Variants in LZTS3 observed in about 807,000 individuals in gnomAD.
LZTS3 encodes leucine zipper tumor suppressor family member 3.
A neutral mutation model predicts 50.9 loss-of-function variants in LZTS3; 16 were observed. The ratio of observed to expected loss-of-function variants is 0.31; its 90% CI spans 0.21 to 0.48. The LOEUF (loss-of-function observed/expected upper bound fraction) is 0.48. Among genes scored for constraint, LZTS3 ranks in the 20% least tolerant of loss-of-function variants. The pLI, the probability that LZTS3 is intolerant of heterozygous loss-of-function variation, is 0.99. For synonymous variants in LZTS3, 408 were observed against 410.6 expected (o/e 0.99, Z 0.08); for missense variants, 816 against 931.0 (o/e 0.88, Z 1.61).
rs201973300 is a variant in LZTS3, at chr20:3,165,392, T to TCCCCC, written c.1323+100_1323+104dup. 20 of 832,486 alleles carry TCCCCC rather than the reference T, an allele frequency of 2.4e-5. No individual in the cohort carries two copies. The African/African-American group carries it at 3.3e-4, about 14-fold the overall frequency. The allele number at this position is 832,486 out of a possible 1,614,324, so 51.6% of individuals were successfully genotyped here. On this transcript the variant is annotated intron_variant, in intron 4 of 4. Coordinates refer to ENST00000337576, the MANE Select transcript of LZTS3 (RefSeq NM_001365618.1). The surrounding 1 kb of genome is among the most constrained non-coding windows in gnomAD (Gnocchi z 5.0). ...ATTTTTGTCCCCCCTGCTCCTTTCA[T>TCCCCC]CCCCCCCCCCATCCCACCGTTATGA...
Position 3,167,770 on chromosome 20 carries a change from T to C in LZTS3, c.-51A>G. ...TTGCAGTCAGGGCAGAAGTGGAAGCTCACTACCAGCGCAGGCTTCTCTCCT... is the reference window on the plus strand; with the variant it reads ...TTGCAGTCAGGGCAGAAGTGGAAGCCCACTACCAGCGCAGGCTTCTCTCCT... On this transcript the variant is annotated 5_prime_UTR_variant, in exon 2 of 5. Transcript: ENST00000337576. 1 of 985,440 alleles carries C rather than the reference T, an allele frequency of 1.0e-6. No homozygotes were observed. The highest frequency in any genetic ancestry group is 1.2e-6 in the Non-Finnish European group (1 of 830,002). The allele number at this position is 985,440 out of a possible 1,614,324, so 61.0% of individuals were successfully genotyped here. A position where few individuals can be genotyped will look rare whatever the true frequency, so the allele number is the denominator to read the frequency against.
At position 3,167,728 on chromosome 20, in the gene LZTS3, G is replaced by GC. The variant is rs2066850793; in HGVS notation, c.-19+9dup. 1.0e-6 allele frequency: 1 copy of GC among 985,660 alleles called. No homozygotes were observed. The highest frequency in any genetic ancestry group is 6.1e-5 in the Admixed American group (1 of 16,282). The allele number at this position is 985,660 out of a possible 1,614,324, so 61.1% of individuals were successfully genotyped here. The stretch of plus-strand genomic sequence containing the variant: ...AAATTGAGGGTGGGGGTCCTTCCCA[G>GC]CCCCCTAACCTAAGTGTTGCAGTCA... On this transcript the variant is annotated intron_variant, in intron 2 of 4. Coordinates refer to ENST00000337576, the MANE Select transcript of LZTS3 (RefSeq NM_001365618.1).
At position 3,164,995 on chromosome 20, in the gene LZTS3, A is replaced by T; in HGVS notation, c.1481T>A (p.Leu494Gln). Reference sequence around the variant, plus strand: ...CTGCTTGCTGCTGAAGGAGTCCCGCAGGCTGAGCAGCTGCTCCTCCTTCTC... The same window carrying T: ...CTGCTTGCTGCTGAAGGAGTCCCGCTGGCTGAGCAGCTGCTCCTCCTTCTC... Reference protein sequence around the residue: ...LREKEEQLLSLRDSFSSKQAS... With the variant: ...LREKEEQLLSQRDSFSSKQAS... The change falls in exon 5 of 5, where the codon CTG becomes CAG. Residue 494 changes from leucine to glutamine, a missense_variant. Physicochemically the swap from Leu to Gln is moderately radical, Grantham distance 113. Coordinates refer to ENST00000337576, the MANE Select transcript of LZTS3 (RefSeq NM_001365618.1). 1.3e-6 allele frequency: 2 copies of T among 1,557,958 alleles called. No homozygotes were observed. The highest frequency in any genetic ancestry group is 1.7e-6 in the Non-Finnish European group (2 of 1,154,856).
chr20:3,172,027 C>G (rs1160529686), intron 1 of LZTS3, among the ~76,000 whole-genome samples: 1 of 152,154 alleles, frequency 6.6e-6, no homozygotes, highest in East Asian at 1.9e-4. Flanking sequence ...GAGGCCCCAA[C>G]CCCAGCCCAT....
Position 3,165,820 on chromosome 20 carries a change from C to T in LZTS3, c.1000G>A (p.Glu334Lys). The T allele has an allele frequency of 6.2e-7, 1 of 1,601,876 alleles. No individual in the cohort carries two copies. Among genetic ancestry groups the T allele is most frequent in the Admixed American group, 1.7e-5 (1 of 59,638 alleles). ...AGGCTGCGCCGCAGAGCTGCCACCT[C>T]CTGCTCCTTCTCCCACAGCCGCTCC... is the stretch of plus-strand genomic sequence containing the variant. The part of the protein sequence containing the change: ...LEERLWEKEQ[E>K]VAALRRSLEQ... The change falls in exon 4 of 5, where the codon GAG (glutamate) becomes AAG (lysine). Residue 334 changes from glutamate to lysine, a missense_variant. Physicochemically the swap from Glu to Lys is moderately conservative, Grantham distance 56. Around this residue, in one of 3 missense-constraint regions of LZTS3, gnomAD observed 700 missense variants for 769.4 expected, o/e 0.91. Coordinates refer to ENST00000337576, the MANE Select transcript of LZTS3 (RefSeq NM_001365618.1). The surrounding 1 kb of genome is among the most constrained non-coding windows in gnomAD (Gnocchi z 5.0).
Position 3,166,691 on chromosome 20 carries a change from C to T in LZTS3, c.459+14G>A. The T allele has an allele frequency of 6.2e-7, 1 of 1,608,152 alleles. No individual in the cohort carries two copies. The highest frequency in any genetic ancestry group is 8.5e-7 in the Non-Finnish European group (1 of 1,175,566). On this transcript the variant is annotated intron_variant, in intron 3 of 4. Transcript: ENST00000337576. The stretch of plus-strand genomic sequence containing the variant: ...AGAAAAAGGCTGTGAGGGTCTCAGG[C>T]CCTGCGGACTGACCTGGTCTAGCTT...
At position 3,166,194 on chromosome 20, in the gene LZTS3, G is replaced by T; in HGVS notation, c.626C>A (p.Ala209Glu). ...TGAGAGGCCACTCCCACTCCCACCC[G>T]CTGGAGTCATGGTCCGAGACTTGTC... is the stretch of plus-strand genomic sequence containing the variant. ...GLDKSRTMTP[A>E]GGSGSGLSDS... The change falls in exon 4 of 5, where the codon GCG becomes GAG. Residue 209 changes from alanine (A) to glutamate (E), a missense_variant. Ala to Glu is a moderately radical substitution (Grantham distance 107, BLOSUM62 -1). Around this residue, in one of 3 missense-constraint regions of LZTS3, gnomAD observed 700 missense variants for 769.4 expected, o/e 0.91. Transcript: ENST00000337576. 1.2e-6 allele frequency: 2 copies of T among 1,613,644 alleles called. No individual in the cohort carries two copies. The highest frequency in any genetic ancestry group is 8.5e-7 in the Non-Finnish European group (1 of 1,179,810).
chr20:3,164,501 C>A lies in LZTS3; in HGVS notation c.1975G>T (p.Ala659Ser). 6.3e-7 allele frequency: 1 copy of A among 1,581,460 alleles called. No individual in the cohort carries two copies. The highest frequency in any genetic ancestry group is 1.7e-4 in the Middle Eastern group (1 of 5,968). ...PTPQHGEEKK[A>S]WTPSRLERIE... Reference sequence around the variant, plus strand: ...CGCTCGAGGCGGGAGGGGGTCCAGGCCTTCTTCTCCTCGCCATGCTGGGGA... The same window carrying A: ...CGCTCGAGGCGGGAGGGGGTCCAGGACTTCTTCTCCTCGCCATGCTGGGGA... Residue 659 changes from alanine to serine, a missense_variant, in exon 5 of 5, where the codon GCC (alanine) becomes TCC (serine). Physicochemically the swap from Ala to Ser is moderately conservative, Grantham distance 99 (BLOSUM62 1). This residue lies in a region of LZTS3 where 107 missense variants were observed against 130.4 expected (regional missense o/e 0.82). Transcript: ENST00000337576.
chr20:3,170,977 T>G (rs1388455084), intron 1 of LZTS3, among the ~76,000 whole-genome samples: 1 of 152,150 alleles, frequency 6.6e-6, no homozygotes, highest in Non-Finnish European at 1.5e-5. Flanking sequence ...TGTGTGTTAA[T>G]ATGCTGAGGG....
In LZTS3 at chr20:3,165,763, G is replaced by C. The variant is rs778138541; in HGVS notation, c.1057C>G (p.Leu353Val). 136 of 1,579,520 alleles carry C rather than the reference G, an allele frequency of 8.6e-5. No individual in the cohort carries two copies. Among genetic ancestry groups the C allele is most frequent in the East Asian group, 2.5e-4 (11 of 43,564 alleles). ...TCCCACGCCTTCTGCCGCTCCTCCA[G>C]TACCTGGGCCACAGCCGCCTCGCTC... is the stretch of plus-strand genomic sequence containing the variant. ...EQSEAAVAQV[L>V]EERQKAWERE... is the part of the protein sequence containing the mutation. The change falls in exon 4 of 5, where the codon CTG (leucine) becomes GTG (valine). Residue 353 changes from leucine to valine, a missense_variant. Transcript: ENST00000337576. The surrounding 1 kb of genome is among the most constrained non-coding windows in gnomAD (Gnocchi z 5.0).
chr20:3,171,662 CAAAA>C (rs35361315), intron 1 of LZTS3, among the ~76,000 whole-genome samples: 1 of 108,374 alleles, frequency 9.2e-6, no homozygotes, highest in African/African-American at 3.4e-5. Flanking sequence ...GATACCCCCT[CAAAA>C]AAAAAAAAAA....
At chr20:3,173,239 C>G (rs1381594901) in intron 1 of LZTS3, among the ~76,000 whole-genome samples, 1 of 152,116 alleles carries the variant, frequency 6.6e-6, no homozygotes, top group Non-Finnish European at 1.5e-5. Flanking sequence ...GTGACATAAT[C>G]CGAGCCGCAC....
In LZTS3 at chr20:3,167,872, T is replaced by C. The variant is rs935044118; in HGVS notation, c.-153A>G. ...CGAGGCCCGGTCTGCAGGGGCCATGTGCCTCACTCTCGCAGTCGGGGCTCG... is the reference window on the plus strand; with the variant it reads ...CGAGGCCCGGTCTGCAGGGGCCATGCGCCTCACTCTCGCAGTCGGGGCTCG... On this transcript the variant is annotated 5_prime_UTR_variant, in exon 2 of 5. Transcript: ENST00000337576. 2.0e-6 allele frequency: 2 copies of C among 985,250 alleles called. No homozygotes were observed. Among genetic ancestry groups the C allele is most frequent in the African/African-American group, 1.7e-5 (1 of 57,232 alleles). The allele number at this position is 985,250 out of a possible 1,614,324, so 61.0% of individuals were successfully genotyped here. A position where few individuals can be genotyped will look rare whatever the true frequency, so the allele number is the denominator to read the frequency against.
chr20:3,166,532 T>C (rs1018687717), intron 3 of LZTS3, among the ~76,000 whole-genome samples, 172 bp from the exon 4 acceptor site: 3 of 151,990 alleles, frequency 2.0e-5, no homozygotes, highest in Non-Finnish European at 2.9e-5. Flanking sequence ...CAGATCTCTG[T>C]CCTTGATCTA....
intron 1 of LZTS3, among the ~76,000 whole-genome samples, chr20:3,170,150 C>G (rs1025067726): frequency 2.0e-5 from 3 of 152,070 alleles, no homozygotes; most frequent in African/African-American, 7.2e-5. Context: ...GATTTAGGAG[C>G]TGGTCTCGAG....
In LZTS3 at chr20:3,165,622, TG is replaced by T. The variant is rs1334369096; in HGVS notation, c.1197del (p.Asp399GlufsTer12). ...LQLQVLRLQQ[D>X]KKQLQEEAAR... ...GCCGCCTCCTCCTGCAGCTGCTTCTTGTCCTGCTGCAGCCGCAACACCTGCA... is the reference window on the plus strand; with the variant it reads ...GCCGCCTCCTCCTGCAGCTGCTTCTTTCCTGCTGCAGCCGCAACACCTGCA... On this transcript the variant is annotated frameshift_variant, in exon 4 of 5. Transcript: ENST00000337576. LOFTEE classifies it high-confidence loss of function. The surrounding 1 kb of genome is among the most constrained non-coding windows in gnomAD (Gnocchi z 5.0). 6.3e-7 allele frequency: 1 copy of T among 1,596,200 alleles called. No homozygotes were observed. Among genetic ancestry groups the T allele is most frequent in the Non-Finnish European group, 8.5e-7 (1 of 1,178,628 alleles).
chr20:3,165,594 C>T lies in LZTS3; in HGVS notation c.1226G>A (p.Arg409Gln). Residue 409 changes from arginine to glutamine, a missense_variant, in exon 4 of 5, where the codon CGG becomes CAG. Physicochemically the swap from Arg to Gln is conservative, Grantham distance 43 (BLOSUM62 1). Coordinates refer to ENST00000337576, the MANE Select transcript of LZTS3 (RefSeq NM_001365618.1). This position sits in a 1 kb window ranked among gnomAD's most constrained non-coding sequence, Gnocchi z 5.0. ...DKKQLQEEAA[R>Q]LMRQREELED... ...CAGCTCTTCCCGCTGCCGCATCAGC[C>T]GGGCCGCCTCCTCCTGCAGCTGCTT... The T allele has an allele frequency of 6.3e-7, 1 of 1,596,750 alleles. No individual in the cohort carries two copies. Among genetic ancestry groups the T allele is most frequent in the Non-Finnish European group, 8.5e-7 (1 of 1,178,864 alleles).
rs1214686307 is a variant in LZTS3 at position 3,164,973 on chromosome 20, C to T, written c.1503G>A (p.Lys501=). The T allele has an allele frequency of 1.3e-6, 2 of 1,556,978 alleles. No individual in the cohort carries two copies. Among genetic ancestry groups the T allele is most frequent in the Non-Finnish European group, 1.7e-6 (2 of 1,156,386 alleles). Residue 501 remains lysine (K), a synonymous_variant, in exon 5 of 5, where the codon AAG becomes AAA. Transcript: ENST00000337576. ...LLSLRDSFSS[K]QASLELGEGE... ...CTTCGCCCAGCTCCAGGCTGGCCTG[C>T]TTGCTGCTGAAGGAGTCCCGCAGGC... is the stretch of plus-strand genomic sequence containing the variant.
rs1424283853 is a variant in LZTS3, at chr20:3,163,110, G to A, written c.*1344C>T. On this transcript the variant is annotated 3_prime_UTR_variant, in exon 5 of 5. Transcript: ENST00000337576. This position sits in a 1 kb window ranked among gnomAD's most constrained non-coding sequence, Gnocchi z 5.2. ...CAGTCTTGGGGGTGGGAGGAAGAGA[G>A]TGAAAAAGAGAGAGATATAAGGGCT... 1 of 152,662 alleles carries A rather than the reference G, an allele frequency of 6.6e-6. No individual in the cohort carries two copies. The highest frequency in any genetic ancestry group is 6.5e-5 in the Admixed American group (1 of 15,286). 9.5% of individuals were successfully genotyped at this position (152,662 alleles called of 1,614,324 possible).
Sources: gnomAD v4.1 joint callset for allele counts (sites outside exome capture counted in the v4.1 genomes callset) on GRCh38, gnomAD v4.1.1 for gene constraint, gnomAD v4.1.1 regional missense constraint, Gnocchi (gnomAD v3.1) non-coding constraint, MANE v1.5 for transcripts, NCBI Gene and HGNC (gene_info 2026-07-23, HGNC 2026-07-21) for gene names.